CHSY1: variants seen among roughly 807,000 people sequenced by gnomAD.
CHSY1 encodes the protein N-acetylgalactosaminyl-proteoglycan 3-beta-glucuronosyltransferase 1.
A neutral mutation model predicts 59.8 loss-of-function variants in CHSY1; 13 were observed. The ratio of observed to expected loss-of-function variants is 0.22; its 90% confidence interval spans 0.14 to 0.35. CHSY1 has a LOEUF of 0.35. Ranked by LOEUF, CHSY1 falls within the 10% of genes least tolerant of loss-of-function variation. CHSY1 has a pLI of 1.00. For synonymous variants in CHSY1, 459 were observed against 401.2 expected, an observed-to-expected ratio of 1.14 and a Z score of -1.72; for missense variants, 947 against 1,030.6, an observed-to-expected ratio of 0.92 and a Z score of 1.11.
intron 2 of CHSY1, among the ~76,000 whole-genome samples, chr15:101,196,495 C>T (rs915449877): frequency 6.6e-6 from 1 of 152,126 alleles, no homozygotes; most frequent in East Asian, 1.9e-4. Context: ...ATTCTGTCTA[C>T]CTAGTGATAA....
chr15:101,236,380 G>C (rs2038942654), intron 1 of CHSY1, among the ~76,000 whole-genome samples: 1 of 152,230 alleles, frequency 6.6e-6, no homozygotes, highest in Non-Finnish European at 1.5e-5. Context: ...TCAGGAGTGA[G>C]TCTCATGAGA....
At chr15:101,191,795 A>G (rs996740956) in intron 2 of CHSY1, among the ~76,000 whole-genome samples, 3 of 152,114 alleles carry the variant, frequency 2.0e-5, no homozygotes, top group Non-Finnish European at 4.4e-5. Context: ...CAAATTATCT[A>G]TGTTAAGTAG....
intron 2 of CHSY1, among the ~76,000 whole-genome samples, chr15:101,180,675 G>A (rs577796516): frequency 6.6e-6 from 1 of 152,260 alleles, no homozygotes; most frequent in East Asian, 1.9e-4. Flanking sequence ...AGTAACCTGG[G>A]GCTTGCTGAG....
intron 2 of CHSY1, among the ~76,000 whole-genome samples, chr15:101,219,528 T>G (rs57914178): frequency 0.015 from 2,313 of 152,218 alleles, 51 homozygotes; most frequent in African/African-American, 0.051. Flanking sequence ...AACGTCAAAT[T>G]TCATGGTAAA....
chr15:101,245,698 G>A (rs2141282015), intron 1 of CHSY1, among the ~76,000 whole-genome samples: 1 of 152,272 alleles, frequency 6.6e-6, no homozygotes, highest in South Asian at 2.1e-4. Context: ...GCCATCCCTG[G>A]AAATCCCTGG....
intron 2 of CHSY1, among the ~76,000 whole-genome samples, chr15:101,189,890 A>T (rs866755340): frequency 1.3e-5 from 2 of 152,228 alleles, no homozygotes; most frequent in South Asian, 2.1e-4. Flanking sequence ...GCGGGGAGCA[A>T]GGGTTCCCGC....
intron 2 of CHSY1, among the ~76,000 whole-genome samples, chr15:101,219,453 G>A (rs927129275): frequency 6.6e-6 from 1 of 152,190 alleles, no homozygotes; most frequent in African/African-American, 2.4e-5. Context: ...CCAGTTCCAC[G>A]TAGGGAGGGG....
At chr15:101,237,222 T>TAAAA (rs56731913) in intron 1 of CHSY1, among the ~76,000 whole-genome samples, 4 of 57,388 alleles carry the variant, frequency 7.0e-5, no homozygotes, top group African/African-American at 2.3e-4. Flanking sequence ...AGACTCCATC[T>TAAAA]AAAAAAAAAA....
intron 2 of CHSY1, among the ~76,000 whole-genome samples, chr15:101,179,373 A>T (rs972469435): frequency 1.3e-5 from 2 of 152,210 alleles, no homozygotes; most frequent in Admixed American, 1.3e-4. Context: ...CCTGAATAGC[A>T]GATCCTGCGG....
In CHSY1 at chr15:101,178,832, C is replaced by T. The variant is rs140855609; in HGVS notation, c.965G>A (p.Arg322His). Residue 322 changes from arginine to histidine, a missense_variant, in exon 3 of 3, where the codon CGC becomes CAC. Coordinates refer to ENST00000254190, the MANE Select transcript of CHSY1 (RefSeq NM_014918.5). ...GCGATGGCGGAGCTCGGATATCTTG[C>T]GGCTCAGCATGTAGCTGTGGAGCCT... ...QYRLHSYMLS[R>H]KISELRHRTI... is the part of the protein sequence containing the mutation. The T allele has an allele frequency of 1.2e-5, 20 of 1,614,040 alleles. No homozygotes were observed. The highest frequency in any genetic ancestry group is 3.3e-5 in the Admixed American group (2 of 60,004).
rs975242772 is a variant in CHSY1, at chr15:101,222,795, G to A, written c.816+12287C>T. The stretch of plus-strand genomic sequence containing the variant: ...TTCTCATGCCATCATGGTGGGGGGG[G>A]TACCTGACACAAATGTGACCCACTC... On this transcript the variant is annotated intron_variant, in intron 2 of 2. Coordinates refer to ENST00000254190, the MANE Select transcript of CHSY1 (RefSeq NM_014918.5). Among the ~76,000 whole-genome samples, 11 of 152,278 alleles carry A rather than the reference G, an allele frequency of 7.2e-5. No homozygotes were observed. In the East Asian group the frequency reaches 2.1e-3, roughly 29 times the overall value.
intron 2 of CHSY1, among the ~76,000 whole-genome samples, chr15:101,231,220 C>T (rs1394240103): frequency 6.6e-6 from 1 of 152,174 alleles, no homozygotes; most frequent in Non-Finnish European, 1.5e-5. Flanking sequence ...CCTAGAAACA[C>T]TGCCGAAAGA....
intron 2 of CHSY1, among the ~76,000 whole-genome samples, chr15:101,194,953 TATAAC>T (rs919294468): frequency 6.6e-6 from 1 of 152,192 alleles, no homozygotes; most frequent in Non-Finnish European, 1.5e-5. Flanking sequence ...ACATATGTCT[TATAAC>T]AGACTGACTA....
At chr15:101,231,450 G>A (rs1047943477) in intron 2 of CHSY1, among the ~76,000 whole-genome samples, 73 of 152,208 alleles carry the variant, frequency 4.8e-4, no homozygotes, top group African/African-American at 1.7e-3. Context: ...GCAGAGGAAG[G>A]AAGACGTATT....
At chr15:101,232,754 A>C (rs2038903763) in intron 2 of CHSY1, among the ~76,000 whole-genome samples, 1 of 152,256 alleles carries the variant, frequency 6.6e-6, no homozygotes, top group Non-Finnish European at 1.5e-5. Flanking sequence ...ACTGTAAGAC[A>C]ACATTTCAGC....
At chr15:101,231,625 T>G (rs928966830) in intron 2 of CHSY1, among the ~76,000 whole-genome samples, 1 of 152,186 alleles carries the variant, frequency 6.6e-6, no homozygotes, top group African/African-American at 2.4e-5. Flanking sequence ...GAGAAAATAA[T>G]AGAAGAAAGA....
intron 2 of CHSY1, among the ~76,000 whole-genome samples, chr15:101,215,501 A>G (rs1050239253): frequency 3.7e-4 from 57 of 152,270 alleles, no homozygotes; most frequent in Non-Finnish European, 6.9e-4. Context: ...TGAGGAGGCC[A>G]ATGTGGGTGG....
In CHSY1 at chr15:101,177,466, C is replaced by T. The variant is rs1186254977; in HGVS notation, c.2331G>A (p.Leu777=). The T allele has an allele frequency of 1.2e-6, 2 of 1,613,136 alleles. No homozygotes were observed. Among genetic ancestry groups the T allele is most frequent in the Middle Eastern group, 3.3e-4 (2 of 6,052 alleles). Residue 777 remains leucine, a synonymous_variant, in exon 3 of 3, where the codon CTG becomes CTA. Transcript: ENST00000254190. ...CATTTTTTTCCAGCCACATCTCAGC[C>T]AGCTGCTGGGTGGACCCATAGGTCG... ...KASTYGSTQQ[L]AEMWLEKNDP...
At chr15:101,246,367 TTTTA>T (rs1018978114) in intron 1 of CHSY1, among the ~76,000 whole-genome samples, 13 of 80,060 alleles carry the variant, frequency 1.6e-4, no homozygotes, top group South Asian at 1.2e-3. Flanking sequence ...TTTTTTTTTT[TTTTA>T]ATCAAAACGT....
Sources: allele counts gnomAD v4.1 joint callset (sites outside exome capture counted in the v4.1 genomes callset), GRCh38; gene constraint gnomAD v4.1.1; transcripts MANE v1.5; gene names NCBI Gene and HGNC (gene_info 2026-07-23, HGNC 2026-07-21).